The following ZNF600 variants were observed in gnomAD, a reference collection of about 807,000 sequenced individuals.
The protein encoded by ZNF600 is zinc finger protein KR-ZNF1.
A neutral mutation model predicts 7.3 loss-of-function variants in ZNF600; 4 were observed. The observed-to-expected ratio is 0.55, with a 90% confidence interval of 0.27 to 1.25. The LOEUF is 1.25. Ranked by LOEUF, ZNF600 falls within the 50% of genes most tolerant of loss-of-function variation. The pLI is 0.12. For synonymous variants in ZNF600, 290 were observed against 308.9 expected (o/e 0.94, Z 0.64); for missense variants, 911 against 922.1 (o/e 0.99, Z 0.16).
chr19:52,811,816 C>T, the ZNF600 span, among the ~76,000 whole-genome samples: 6 of 144,496 alleles, frequency 4.2e-5, no homozygotes, highest in East Asian at 4.3e-4. Flanking sequence ...TGAGGGGCTC[C>T]TCTGCCCGGC....
chr19:52,774,457 C>CAA, intron 3 of ZNF600, 118 bp downstream of exon 5: 1 of 768,756 alleles, frequency 1.3e-6, no homozygotes, highest in Non-Finnish European at 1.5e-6. Context: ...AAAAAAACAA[C>CAA]CAAAAAAAAA....
chr19:52,806,894 T>G, the ZNF600 span, among the ~76,000 whole-genome samples: 15,086 of 151,982 alleles, frequency 0.099, 1,375 homozygotes, highest in African/African-American at 0.23. Context: ...AGAGTGAGAC[T>G]CTGTCATAAA....
the ZNF600 span, among the ~76,000 whole-genome samples, chr19:52,824,542 G>T: frequency 1.1e-4 from 16 of 152,250 alleles, no homozygotes; most frequent in Middle Eastern, 3.4e-3. Flanking sequence ...GGATGAGACA[G>T]AAGAATCAAT....
At chr19:52,828,453 A>G in the ZNF600 span, among the ~76,000 whole-genome samples, 67,584 of 151,876 alleles carry the variant, frequency 0.44, 16,628 homozygotes, top group Non-Finnish European at 0.56. Flanking sequence ...GGTAACAGGG[A>G]GAGACTTTCT....
At chr19:52,783,245 A>C (rs2608508) in intron 1 of ZNF600, among the ~76,000 whole-genome samples, 175 of 152,274 alleles carry the variant, frequency 1.1e-3, no homozygotes, top group African/African-American at 2.6e-3. Context: ...AATTTGTTAC[A>C]TTATAAACAG....
At chr19:52,818,397 A>T in the ZNF600 span, among the ~76,000 whole-genome samples, 1 of 151,944 alleles carries the variant, frequency 6.6e-6, no homozygotes, top group Admixed American at 6.6e-5. Context: ...GCCAACATGG[A>T]GAAACCCTCT....
At position 52,765,590 on chromosome 19, in the gene ZNF600, G is replaced by A. The variant is rs375827408; in HGVS notation, c.2373C>T (p.Asp791=). Residue 791 remains aspartate (D), a synonymous_variant, in exon 4 of 4, where the codon GAC becomes GAT. Transcript: ENST00000648973. ...AGACTTTGTGACAATCATTACATTA[G>A]TCAAGTTTCCCTACACCATGAACTG... 53 of 1,613,524 alleles carry A rather than the reference G, an allele frequency of 3.3e-5. 1 individual carries two copies. The highest frequency in any genetic ancestry group is 1.9e-4 in the African/African-American group (14 of 74,958).
chr19:52,795,267 G>A, the ZNF600 span, among the ~76,000 whole-genome samples: 2 of 152,244 alleles, frequency 1.3e-5, no homozygotes, highest in East Asian at 3.9e-4. Context: ...AAATTTTGAT[G>A]TTAGCATAAA....
chr19:52,778,870 C>A (rs8107851), exon 2 of ZNF600: 1 of 1,604,968 alleles, frequency 6.2e-7, no homozygotes. Flanking sequence ...CTCTTCTGAG[C>A]TGCTTCTTCA....
At chr19:52,832,650 T>G in the ZNF600 span, among the ~76,000 whole-genome samples, 13,638 of 152,126 alleles carry the variant, frequency 0.09, 717 homozygotes, top group South Asian at 0.12. Flanking sequence ...TGCCTATCAT[T>G]CAAGCTCTTT....
chr19:52,801,365 A>C, the ZNF600 span: 5 of 1,614,212 alleles, frequency 3.1e-6, no homozygotes, highest in Non-Finnish European at 4.2e-6. Context: ...CTTGATTACC[A>C]ATTTTCCCTT....
chr19:52,799,760 C>A, the ZNF600 span: 4 of 1,613,594 alleles, frequency 2.5e-6, no homozygotes, highest in Non-Finnish European at 3.4e-6. Flanking sequence ...TCTTGCCACA[C>A]TCATTACACT....
At chr19:52,801,574 C>T in the ZNF600 span, 1 of 1,614,148 alleles carries the variant, frequency 6.2e-7, no homozygotes, top group East Asian at 2.2e-5. Context: ...ATGTCTTTCT[C>T]AATTTTCTGG....
the ZNF600 span, chr19:52,801,835 A>G: frequency 1.2e-6 from 1 of 836,680 alleles, no homozygotes. Flanking sequence ...TTAAGAACAC[A>G]AAAGGAGTAA....
At chr19:52,781,147 T>A (rs549550715) in intron 1 of ZNF600, 92 bp from the exon 3 acceptor site, 2 of 145,872 alleles carry the variant, frequency 1.4e-5, no homozygotes, top group East Asian at 3.9e-4. Flanking sequence ...TTTTTGTTCA[T>A]CTTGTGCTTC....
chr19:52,831,347 T>C, the ZNF600 span, among the ~76,000 whole-genome samples: 1 of 152,076 alleles, frequency 6.6e-6, no homozygotes, highest in Admixed American at 6.6e-5. Context: ...TGTCACTCTA[T>C]TGCTCAGGCT....
the ZNF600 span, among the ~76,000 whole-genome samples, chr19:52,831,901 T>G: frequency 2.0e-5 from 3 of 152,100 alleles, no homozygotes; most frequent in Non-Finnish European, 2.9e-5. Flanking sequence ...AGTGCTGGGA[T>G]TACAGGCATA....
chr19:52,783,449 C>T (rs921002457), intron 1 of ZNF600, among the ~76,000 whole-genome samples: 17 of 152,280 alleles, frequency 1.1e-4, no homozygotes, highest in African/African-American at 4.1e-4. Flanking sequence ...GCAAGCTCCG[C>T]CTCCCGGGTT....
the ZNF600 span, among the ~76,000 whole-genome samples, chr19:52,817,471 G>A: frequency 6.6e-6 from 1 of 152,032 alleles, no homozygotes; most frequent in Admixed American, 6.6e-5. Flanking sequence ...AGAAACACAG[G>A]AACTCACTCA....
Sources: allele counts gnomAD v4.1 joint callset (sites outside exome capture counted in the v4.1 genomes callset), GRCh38; gene constraint gnomAD v4.1.1; transcripts MANE v1.5; gene names NCBI Gene and HGNC (gene_info 2026-07-23, HGNC 2026-07-21).